The following TRIO variants were observed in gnomAD, a reference collection of about 807,000 sequenced individuals.
TRIO encodes triple functional domain protein.
In TRIO, 58 loss-of-function variants were observed where a neutral mutation model predicts 351.9. The ratio of observed to expected loss-of-function variants is 0.16; its 90% CI spans 0.13 to 0.21. The LOEUF (loss-of-function observed/expected upper bound fraction) is 0.21. Among genes scored for constraint, TRIO ranks in the 10% least tolerant of loss-of-function variants. TRIO has a pLI of 1.00. For missense variants in TRIO, 3,201 were observed against 4,027.8 expected, an observed-to-expected ratio of 0.79 and a Z score of 5.56; for synonymous variants, 1,758 against 1,595.7, an observed-to-expected ratio of 1.10 and a Z score of -2.42.
Position 14,509,542 on chromosome 5 carries a change from G to A in TRIO, c.*1120G>A, listed in dbSNP as rs1017341647. The A allele has an allele frequency of 1.9e-5, 7 of 361,154 alleles. No homozygotes were observed. The highest frequency in any genetic ancestry group is 1.5e-4 in the African/African-American group (7 of 45,514). 22.4% of individuals were successfully genotyped at this position (361,154 alleles called of 1,614,324 possible). ...AGGGTAATGTTTTAAAATTTATTAT[G>A]CTATTATTCAGAATGCCAAAGTATT... On this transcript the variant is annotated 3_prime_UTR_variant, in exon 57 of 57. Coordinates refer to ENST00000344204, the MANE Select transcript of TRIO (RefSeq NM_007118.4).
At chr5:14,231,747 G>A (rs1049172387) in intron 1 of TRIO, among the ~76,000 whole-genome samples, 3 of 151,972 alleles carry the variant, frequency 2.0e-5, no homozygotes, top group Admixed American at 6.6e-5. Flanking sequence ...AGAAAGTTAC[G>A]TATTTTATTG....
rs1756567209 is a variant in TRIO at position 14,492,563 on chromosome 5, G to T, written c.7633-4G>T. On this transcript the variant is annotated splice_region_variant and splice_polypyrimidine_tract_variant and intron_variant, in intron 48 of 56. Coordinates refer to ENST00000344204, the MANE Select transcript of TRIO (RefSeq NM_007118.4). ...TTTCTCTGTCTTCATCTGTCCCTCTGCAGAGTGAAAGCAGCAGCAGTAGCA... is the reference window on the plus strand; with the variant it reads ...TTTCTCTGTCTTCATCTGTCCCTCTTCAGAGTGAAAGCAGCAGCAGTAGCA... 6.2e-7 allele frequency: 1 copy of T among 1,613,852 alleles called. No homozygotes were observed. Among genetic ancestry groups the T allele is most frequent in the Non-Finnish European group, 8.5e-7 (1 of 1,179,962 alleles).
At chr5:14,288,547 G>A (rs1206092654) in intron 4 of TRIO, among the ~76,000 whole-genome samples, 1 of 151,946 alleles carries the variant, frequency 6.6e-6, no homozygotes, top group Non-Finnish European at 1.5e-5. Flanking sequence ...GGCACCTGTA[G>A]TCCCAGCTAC....
At chr5:14,427,672 C>T (rs1394830279) in intron 34 of TRIO, among the ~76,000 whole-genome samples, 1 of 152,118 alleles carries the variant, frequency 6.6e-6, no homozygotes, top group Non-Finnish European at 1.5e-5. Flanking sequence ...GGATTCTCAC[C>T]GGGGCAGTCA....
At chr5:14,297,435 G>A (rs773429014) in intron 7 of TRIO, 172 bp downstream of exon 7, 33 of 712,928 alleles carry the variant, frequency 4.6e-5, no homozygotes, top group Middle Eastern at 4.1e-4. Flanking sequence ...TCCTTGCTGC[G>A]TAACCTTAGG....
intron 34 of TRIO, among the ~76,000 whole-genome samples, chr5:14,460,770 A>G (rs913024075): frequency 3.9e-5 from 6 of 152,222 alleles, no homozygotes; most frequent in African/African-American, 1.4e-4. Flanking sequence ...GATTGGTGAC[A>G]TGGGTGATTT....
At chr5:14,380,315 C>T (rs1027673190) in intron 20 of TRIO, among the ~76,000 whole-genome samples, 1 of 124,932 alleles carries the variant, frequency 8.0e-6, no homozygotes, top group Non-Finnish European at 1.6e-5. Context: ...CCCGCCTCCT[C>T]CTTCGCGCCC....
rs775129821 is a variant in TRIO, at chr5:14,270,888, C to G, written c.221C>G (p.Ala74Gly). The change falls in exon 2 of 57, where the codon GCA (alanine) becomes GGA (glycine). Residue 74 changes from alanine (A) to glycine (G), a missense_variant. Coordinates refer to ENST00000344204, the MANE Select transcript of TRIO (RefSeq NM_007118.4). ...TTACCAATTTTGAAGGAAAAAGTTG[C>G]ATACCTTTCAGGTAAAGTTTAACTT... ...DVLPILKEKV[A>G]YLSGGRDKRG... is the part of the protein sequence containing the mutation. The G allele has an allele frequency of 6.2e-7, 1 of 1,613,436 alleles. No homozygotes were observed. The highest frequency in any genetic ancestry group is 2.2e-5 in the East Asian group (1 of 44,870).
chr5:14,454,239 T>C (rs1753070233), intron 34 of TRIO, among the ~76,000 whole-genome samples: 1 of 152,148 alleles, frequency 6.6e-6, no homozygotes, highest in African/African-American at 2.4e-5. Flanking sequence ...CAGATTGATC[T>C]TTCATGGTAT....
At chr5:14,156,336 C>T (rs548367511) in intron 1 of TRIO, among the ~76,000 whole-genome samples, 1 of 152,294 alleles carries the variant, frequency 6.6e-6, no homozygotes, top group East Asian at 1.9e-4. Context: ...GAAACACGAT[C>T]TAGGCACTAA....
At chr5:14,382,586 A>G (rs30787) in intron 21 of TRIO, among the ~76,000 whole-genome samples, 42,213 of 152,186 alleles carry the variant, frequency 0.28, 6,020 homozygotes, top group Middle Eastern at 0.37. Context: ...CCCCAGAGGC[A>G]CAATGAGCTC....
chr5:14,286,805 G>T lies in TRIO; in HGVS notation c.348-66G>T. The T allele has an allele frequency of 1.3e-6, 2 of 1,528,682 alleles. No individual in the cohort carries two copies. The allele number at this position is 1,528,682 out of a possible 1,614,324, so 94.7% of individuals were successfully genotyped here. Reference sequence around the variant, plus strand: ...GAAGCTGGGTCTGTGGCACCCAGTGGGACTCTGACCAGGCAGAGTGGCAAG... The same window carrying T: ...GAAGCTGGGTCTGTGGCACCCAGTGTGACTCTGACCAGGCAGAGTGGCAAG... On this transcript the variant is annotated intron_variant, in intron 3 of 56. Transcript: ENST00000344204. The surrounding 1 kb of genome is among the most constrained non-coding windows in gnomAD (Gnocchi z 4.4).
chr5:14,185,297 A>G (rs554064041), intron 1 of TRIO, among the ~76,000 whole-genome samples: 5 of 152,154 alleles, frequency 3.3e-5, no homozygotes, highest in African/African-American at 7.2e-5. Flanking sequence ...TTTCACCCAA[A>G]TTGAATCCTG....
intron 18 of TRIO, among the ~76,000 whole-genome samples, chr5:14,373,862 C>T (rs1215198986): frequency 6.6e-6 from 1 of 152,228 alleles, no homozygotes; most frequent in African/African-American, 2.4e-5. Flanking sequence ...CAGCTGAGTT[C>T]TGCAGCTCAA....
At chr5:14,178,512 C>T (rs546041203) in intron 1 of TRIO, among the ~76,000 whole-genome samples, 25 of 152,178 alleles carry the variant, frequency 1.6e-4, no homozygotes, top group African/African-American at 3.4e-4. Context: ...ATAAGCTGAC[C>T]GCGTAATTGT....
At chr5:14,459,665 G>A (rs1753622952) in intron 34 of TRIO, among the ~76,000 whole-genome samples, 1 of 152,186 alleles carries the variant, frequency 6.6e-6, no homozygotes, top group African/African-American at 2.4e-5. Flanking sequence ...TTGAACCCGG[G>A]AGGCAGAGAT....
At chr5:14,185,138 A>G (rs1447416590) in intron 1 of TRIO, among the ~76,000 whole-genome samples, 1 of 137,722 alleles carries the variant, frequency 7.3e-6, no homozygotes, top group East Asian at 2.5e-4. Flanking sequence ...CTTCCCCCAT[A>G]AAATTCGCCC....
intron 1 of TRIO, among the ~76,000 whole-genome samples, chr5:14,266,578 A>G (rs1795691156): frequency 6.6e-6 from 1 of 152,210 alleles, no homozygotes; most frequent in Admixed American, 6.5e-5. Flanking sequence ...AGTAATTTAA[A>G]AGGTGGTAAC....
In TRIO at chr5:14,497,930, T is replaced by C. The variant is rs1220609896; in HGVS notation, c.8047+56T>C. 1 of 1,612,984 alleles carries C rather than the reference T, an allele frequency of 6.2e-7. No individual in the cohort carries two copies. The highest frequency in any genetic ancestry group is 8.5e-7 in the Non-Finnish European group (1 of 1,179,076). ...GAGATGATTCTAGACCTGTGGGGCA[T>C]GTTTCAGAGCACTTGAGTGTGGCCT... is the stretch of plus-strand genomic sequence containing the variant. On this transcript the variant is annotated intron_variant, in intron 51 of 56. Coordinates refer to ENST00000344204, the MANE Select transcript of TRIO (RefSeq NM_007118.4). The surrounding 1 kb of genome is among the most constrained non-coding windows in gnomAD (Gnocchi z 4.4).
Sources: gnomAD v4.1 joint callset for allele counts (sites outside exome capture counted in the v4.1 genomes callset) on GRCh38, gnomAD v4.1.1 for gene constraint, Gnocchi (gnomAD v3.1) non-coding constraint, MANE v1.5 for transcripts, NCBI Gene and HGNC (gene_info 2026-07-23, HGNC 2026-07-21) for gene names.